ATP2B1: variants seen among roughly 807,000 people sequenced by gnomAD.
ATP2B1 encodes the protein ATPase plasma membrane Ca2+ transporting 1, also known as plasma membrane calcium-transporting ATPase 1.
In ATP2B1, 14 loss-of-function variants were observed where a neutral mutation model predicts 124.2. That is an observed-to-expected ratio of 0.11 (90% CI 0.07 to 0.18). The LOEUF (loss-of-function observed/expected upper bound fraction) is 0.18. ATP2B1 is among the 10% of genes least tolerant of loss of function. ATP2B1 has a pLI of 1.00. For synonymous variants in ATP2B1, 449 were observed against 492.4 expected (o/e 0.91, Z 1.17); for missense variants, 763 against 1,466.1 (o/e 0.52, Z 7.83).
At chr12:89,685,742 A>AAT (rs1482975171) in intron 1 of ATP2B1, among the ~76,000 whole-genome samples, 1 of 152,112 alleles carries the variant, frequency 6.6e-6, no homozygotes. Context: ...TTCCTATGTT[A>AAT]AAGCCTTAAA....
chr12:89,646,077 AT>A (rs1884406438), intron 2 of ATP2B1, among the ~76,000 whole-genome samples: 2 of 151,952 alleles, frequency 1.3e-5, no homozygotes, highest in Non-Finnish European at 2.9e-5. Context: ...AAGGGAAAGA[AT>A]GTTTTTGTTT....
chr12:89,633,390 G>A (rs1239623345), intron 5 of ATP2B1, among the ~76,000 whole-genome samples: 10 of 151,716 alleles, frequency 6.6e-5, no homozygotes, highest in African/African-American at 2.4e-4. Flanking sequence ...CCATGTTGGT[G>A]TGCTGCACCC....
intron 2 of ATP2B1, among the ~76,000 whole-genome samples, chr12:89,647,218 C>A (rs1021609989): frequency 2.6e-4 from 39 of 152,184 alleles, no homozygotes; most frequent in African/African-American, 9.4e-4. Flanking sequence ...CAAGGTCATG[C>A]ATGGAATTGA....
intron 15 of ATP2B1, among the ~76,000 whole-genome samples, chr12:89,606,335 TAAGTAA>T (rs1876862205): frequency 2.0e-5 from 3 of 151,920 alleles, no homozygotes; most frequent in Non-Finnish European, 2.9e-5. Flanking sequence ...GGTACATAAC[TAAGTAA>T]AAGAAGCAGC....
At chr12:89,615,934 A>G (rs916945475) in intron 12 of ATP2B1, among the ~76,000 whole-genome samples, 2 of 58,378 alleles carry the variant, frequency 3.4e-5, no homozygotes, top group African/African-American at 9.6e-5. Flanking sequence ...ATACCTCATA[A>G]AGGTAGACAT....
rs1314455364 is a variant in ATP2B1 at position 89,589,685 on chromosome 12, G to C, written c.*1299C>G. 1.3e-5 allele frequency: 2 copies of C among 151,966 alleles called. No homozygotes were observed. The highest frequency in any genetic ancestry group is 2.9e-5 in the Non-Finnish European group (2 of 67,966). 9.4% of individuals were successfully genotyped at this position (151,966 alleles called of 1,614,324 possible). ...GCAAGGAATTAAAGCGGTACTTCAT[G>C]GGGCTGTTACCATCTTGAAATGTAT... On this transcript the variant is annotated 3_prime_UTR_variant, in exon 21 of 21. Transcript: ENST00000428670.
In ATP2B1 at chr12:89,590,887, G is replaced by T; in HGVS notation, c.*97C>A. 1 of 1,202,520 alleles carries T rather than the reference G, an allele frequency of 8.3e-7. No homozygotes were observed. The highest frequency in any genetic ancestry group is 1.2e-6 in the Non-Finnish European group (1 of 852,390). The allele number at this position is 1,202,520 out of a possible 1,614,324, so 74.5% of individuals were successfully genotyped here. ...AGTGTGTCTTCTGTTGAAGTCCAAA[G>T]ACAAGAATACTAGCTTGTCCATCAC... On this transcript the variant is annotated 3_prime_UTR_variant, in exon 21 of 21. Transcript: ENST00000428670.
intron 1 of ATP2B1, among the ~76,000 whole-genome samples, chr12:89,670,687 G>A (rs1027023410): frequency 1.3e-5 from 2 of 152,038 alleles, no homozygotes; most frequent in East Asian, 3.8e-4. Flanking sequence ...TAATGCTTAT[G>A]TCCTAGAATA....
intron 1 of ATP2B1, among the ~76,000 whole-genome samples, chr12:89,701,780 C>A (rs1891881110): frequency 1.3e-5 from 2 of 152,158 alleles, no homozygotes; most frequent in South Asian, 4.1e-4. Context: ...CTCCTGGCCT[C>A]AAGCGAACCT....
At chr12:89,694,922 TG>T (rs1890957779) in intron 1 of ATP2B1, among the ~76,000 whole-genome samples, 2 of 151,930 alleles carry the variant, frequency 1.3e-5, no homozygotes, top group South Asian at 4.1e-4. Flanking sequence ...CCGAGCATGG[TG>T]GCACATGCCT....
At chr12:89,704,970 C>A (rs907808420) in intron 1 of ATP2B1, among the ~76,000 whole-genome samples, 1 of 151,998 alleles carries the variant, frequency 6.6e-6, no homozygotes, top group Non-Finnish European at 1.5e-5. Context: ...GTCCTATGTC[C>A]CCATTTATAA....
intron 8 of ATP2B1, among the ~76,000 whole-genome samples, chr12:89,626,119 T>C (rs1350951105): frequency 6.6e-6 from 1 of 152,236 alleles, no homozygotes; most frequent in East Asian, 1.9e-4. Context: ...GCAAAATGTG[T>C]GATGAAATTT....
chr12:89,594,027 T>G (rs1470605394), intron 20 of ATP2B1: 1 of 152,060 alleles, frequency 6.6e-6, no homozygotes, highest in Non-Finnish European at 1.5e-5. Flanking sequence ...TTAAGGTTAA[T>G]GCTTCCTTTG....
At chr12:89,607,187 A>G (rs1421293263) in intron 15 of ATP2B1, among the ~76,000 whole-genome samples, 1 of 152,174 alleles carries the variant, frequency 6.6e-6, no homozygotes, top group Non-Finnish European at 1.5e-5. Flanking sequence ...CTACAGGATA[A>G]GAGAAAAAAA....
intron 1 of ATP2B1, among the ~76,000 whole-genome samples, chr12:89,701,927 C>T (rs942486238): frequency 2.6e-5 from 4 of 152,138 alleles, no homozygotes; most frequent in Admixed American, 1.3e-4. Flanking sequence ...ACTCTAAGAC[C>T]GTCACACAGT....
At chr12:89,666,301 C>A (rs367553021) in intron 1 of ATP2B1, among the ~76,000 whole-genome samples, 1 of 152,186 alleles carries the variant, frequency 6.6e-6, no homozygotes, top group East Asian at 1.9e-4. Context: ...ATCCTTCAAA[C>A]TCTCTGGTTT....
At position 89,620,066 on chromosome 12, in the gene ATP2B1, C is replaced by T; in HGVS notation, c.1762G>A (p.Val588Ile). The change falls in exon 11 of 21, where the codon GTC becomes ATC. Residue 588 changes from valine to isoleucine, a missense_variant. Transcript: ENST00000428670. ...TAACTTCCATCTGAATTTTTCAGGA[C>T]AGTACTCATGGACTTCCTAACAGAA... ...FNSVRKSMST[V>I]LKNSDGSYRI... 1.9e-6 allele frequency: 3 copies of T among 1,614,066 alleles called. No homozygotes were observed. Among genetic ancestry groups the T allele is most frequent in the Non-Finnish European group, 2.5e-6 (3 of 1,179,968 alleles).
In ATP2B1 at chr12:89,642,485, A is replaced by G. The variant is rs527479577; in HGVS notation, c.209-130T>C. On this transcript the variant is annotated intron_variant, in intron 2 of 20. Transcript: ENST00000428670. The stretch of plus-strand genomic sequence containing the variant: ...ATGTTTACTTTCATGCTTTAAGTGT[A>G]CAGAATTTAAATCACTGAAAAACAT... 5.6e-6 allele frequency: 5 copies of G among 894,838 alleles called. No individual in the cohort carries two copies. In the African/African-American group the frequency reaches 8.4e-5, roughly 15 times the overall value. 55.4% of individuals were successfully genotyped at this position (894,838 alleles called of 1,614,324 possible).
intron 12 of ATP2B1, among the ~76,000 whole-genome samples, chr12:89,615,359 G>A (rs1363998342): frequency 2.0e-5 from 3 of 151,836 alleles, no homozygotes; most frequent in Admixed American, 6.6e-5. Flanking sequence ...ATGCCACCCT[G>A]CCACCCAGAA....
Sources: allele counts gnomAD v4.1 joint callset (sites outside exome capture counted in the v4.1 genomes callset), GRCh38; gene constraint gnomAD v4.1.1; transcripts MANE v1.5; gene names NCBI Gene and HGNC (gene_info 2026-07-23, HGNC 2026-07-21).